The following ZFPM2 variants were observed in gnomAD, a reference collection of about 807,000 sequenced individuals.
The protein encoded by ZFPM2 is zinc finger protein ZFPM2.
Under a neutral mutation model 98.6 loss-of-function variants are expected in ZFPM2, and 20 were observed. The observed-to-expected ratio is 0.20, with a 90% CI of 0.14 to 0.29. The LOEUF is 0.29. Ranked by LOEUF, ZFPM2 falls within the 10% of genes least tolerant of loss-of-function variation. The probability of loss-of-function intolerance (pLI) is 1.00; values close to 1 mark genes in which losing one functional copy is unlikely to be tolerated. For synonymous variants in ZFPM2, 518 were observed against 502.7 expected, an observed-to-expected ratio of 1.03 and a Z score of -0.41; for missense variants, 1,310 against 1,388.6, an observed-to-expected ratio of 0.94 and a Z score of 0.90.
intron 3 of ZFPM2, among the ~76,000 whole-genome samples, chr8:105,468,578 C>G (rs1306160937): frequency 6.6e-6 from 1 of 152,266 alleles, no homozygotes; most frequent in East Asian, 1.9e-4. Flanking sequence ...TAGCACCTTC[C>G]ATGGCCTTGA....
rs144303396 is a variant in ZFPM2 at position 105,686,129 on chromosome 8, C to T, written c.532+51772C>T. Among the ~76,000 whole-genome samples the T allele has an allele frequency of 8.4e-3, 1,279 of 152,124 alleles. 16 individuals carry two copies. Among genetic ancestry groups the T allele is most frequent in the African/African-American group, 0.028 (1,144 of 41,502 alleles). ...GTACTAAGAAGCTCAAAGCACTTCT[C>T]ATATTTTATCTTACTTGCCCTAACA... On this transcript the variant is annotated intron_variant, in intron 5 of 7. Coordinates refer to ENST00000407775, the MANE Select transcript of ZFPM2 (RefSeq NM_012082.4).
At chr8:105,336,919 C>T (rs1390982819) in intron 1 of ZFPM2, among the ~76,000 whole-genome samples, 1 of 151,594 alleles carries the variant, frequency 6.6e-6, no homozygotes, top group African/African-American at 2.4e-5. Context: ...TAACCATTAC[C>T]AGAAAAAGTG....
intron 1 of ZFPM2, among the ~76,000 whole-genome samples, chr8:105,327,494 G>A (rs965279774): frequency 6.6e-6 from 1 of 151,516 alleles, no homozygotes; most frequent in Admixed American, 6.6e-5. Context: ...AGTAAATTGA[G>A]GAATAGAAGA....
intron 5 of ZFPM2, among the ~76,000 whole-genome samples, chr8:105,704,368 G>A (rs1811209213): frequency 6.6e-6 from 1 of 152,176 alleles, no homozygotes; most frequent in African/African-American, 2.4e-5. Context: ...TGTCTGAAAT[G>A]TCATGGCCTC....
At chr8:105,350,659 T>A (rs186827200) in intron 1 of ZFPM2, among the ~76,000 whole-genome samples, 1 of 152,230 alleles carries the variant, frequency 6.6e-6, no homozygotes, top group East Asian at 1.9e-4. Context: ...AGGAAATGAA[T>A]AAGGTGTCAT....
intron 1 of ZFPM2, among the ~76,000 whole-genome samples, chr8:105,384,860 T>C (rs1810952770): frequency 6.6e-6 from 1 of 152,164 alleles, no homozygotes; most frequent in African/African-American, 2.4e-5. Context: ...AAAATAAATT[T>C]AGATATTCAA....
chr8:105,550,436 A>G (rs1271844238), intron 3 of ZFPM2, among the ~76,000 whole-genome samples: 1 of 152,192 alleles, frequency 6.6e-6, no homozygotes, highest in Non-Finnish European at 1.5e-5. Context: ...GAGTCCTGGT[A>G]TCACTACTAA....
intron 5 of ZFPM2, among the ~76,000 whole-genome samples, chr8:105,665,937 A>G (rs868020931): frequency 6.6e-5 from 10 of 152,266 alleles, no homozygotes; most frequent in African/African-American, 2.4e-4. Flanking sequence ...GTACATATAC[A>G]CAACAGAACA....
intron 1 of ZFPM2, among the ~76,000 whole-genome samples, chr8:105,403,304 GT>G (rs1199430023): frequency 6.6e-6 from 1 of 151,824 alleles, no homozygotes; most frequent in East Asian, 1.9e-4. Flanking sequence ...TCTATAATCC[GT>G]CTTCCCTGGT....
intron 5 of ZFPM2, among the ~76,000 whole-genome samples, chr8:105,690,733 A>G (rs1454330175): frequency 1.3e-5 from 2 of 152,052 alleles, no homozygotes; most frequent in Non-Finnish European, 2.9e-5. Flanking sequence ...GAGCCACCAA[A>G]CTGAAAAGCC....
At chr8:105,540,431 G>A (rs941058410) in intron 3 of ZFPM2, among the ~76,000 whole-genome samples, 1 of 152,032 alleles carries the variant, frequency 6.6e-6, no homozygotes, top group Non-Finnish European at 1.5e-5. Context: ...TGCAAGAAAG[G>A]CATCTAGCTT....
intron 3 of ZFPM2, among the ~76,000 whole-genome samples, chr8:105,502,617 G>C (rs1208691785): frequency 6.6e-6 from 1 of 152,238 alleles, no homozygotes; most frequent in Non-Finnish European, 1.5e-5. Flanking sequence ...GCAAAAGTTA[G>C]TGGGTAGCAA....
At chr8:105,442,806 ATTAACATCATG>A (rs1166386388) in intron 2 of ZFPM2, among the ~76,000 whole-genome samples, 1 of 152,182 alleles carries the variant, frequency 6.6e-6, no homozygotes, top group Non-Finnish European at 1.5e-5. Context: ...CAAAGCTCAT[ATTAACATCATG>A]TTAAATGTCA....
intron 3 of ZFPM2, among the ~76,000 whole-genome samples, chr8:105,450,109 A>G (rs1022551376): frequency 7.2e-5 from 11 of 152,130 alleles, no homozygotes; most frequent in Admixed American, 2.6e-4. Flanking sequence ...TTGACTAAAA[A>G]TTGGTCAAGG....
At chr8:105,625,835 A>C (rs1816642781) in intron 4 of ZFPM2, among the ~76,000 whole-genome samples, 3 of 151,990 alleles carry the variant, frequency 2.0e-5, no homozygotes, top group African/African-American at 7.2e-5. Flanking sequence ...CACCAACCTC[A>C]GTCTCCCAAA....
chr8:105,673,471 C>T (rs1408332264), intron 5 of ZFPM2, among the ~76,000 whole-genome samples: 2 of 151,966 alleles, frequency 1.3e-5, no homozygotes, highest in Non-Finnish European at 2.9e-5. Flanking sequence ...ATATACATGT[C>T]TATGAGAACT....
intron 1 of ZFPM2, among the ~76,000 whole-genome samples, chr8:105,324,431 G>A (rs904525217): frequency 2.0e-5 from 3 of 151,662 alleles, no homozygotes; most frequent in African/African-American, 7.2e-5. Context: ...GCTAGTTGAG[G>A]CCTTGCTATT....
chr8:105,389,856 G>A (rs1204112069), intron 1 of ZFPM2, among the ~76,000 whole-genome samples: 1 of 152,192 alleles, frequency 6.6e-6, no homozygotes, highest in Non-Finnish European at 1.5e-5. Context: ...AGGAAGCGCA[G>A]TTATTAGACC....
intron 4 of ZFPM2, among the ~76,000 whole-genome samples, chr8:105,574,503 G>A (rs1273049880): frequency 3.3e-5 from 5 of 152,130 alleles, no homozygotes; most frequent in African/African-American, 1.2e-4. Context: ...AGTTAGGTTT[G>A]TATTTTAAAA....
Sources: gnomAD v4.1 joint callset for allele counts (sites outside exome capture counted in the v4.1 genomes callset) on GRCh38, gnomAD v4.1.1 for gene constraint, MANE v1.5 for transcripts, NCBI Gene and HGNC (gene_info 2026-07-23, HGNC 2026-07-21) for gene names.